OSBPL8: variants seen among roughly 807,000 people sequenced by gnomAD.
The protein encoded by OSBPL8 is oxysterol-binding protein-related protein 8.
In OSBPL8, 59 loss-of-function variants were observed where a neutral mutation model predicts 125.5. The observed-to-expected ratio is 0.47, with a 90% confidence interval of 0.38 to 0.58. OSBPL8 has a LOEUF of 0.58. Among genes scored for constraint, OSBPL8 ranks in the 20% least tolerant of loss-of-function variants. OSBPL8 has a pLI of 0.00. For missense variants in OSBPL8, 758 were observed against 1,047.8 expected, an observed-to-expected ratio of 0.72 and a Z score of 3.82; for synonymous variants, 330 against 338.9, an observed-to-expected ratio of 0.97 and a Z score of 0.29.
In OSBPL8 at chr12:76,355,912, T is replaced by C. The variant is rs1032020946; in HGVS notation, c.2647A>G (p.Ile883Val). The part of the protein sequence containing the change: ...IIFLLILLQV[I>V]INFMFK Reference sequence around the variant, plus strand: ...TTCTACTTGAACATGAAGTTTATTATGACTTGAAGCAAAATCAGGAGGAAA... The same window carrying C: ...TTCTACTTGAACATGAAGTTTATTACGACTTGAAGCAAAATCAGGAGGAAA... The change falls in exon 24 of 24, where the codon ATA becomes GTA. Residue 883 changes from isoleucine (I) to valine (V), a missense_variant. Ile to Val is a conservative substitution (Grantham distance 29, BLOSUM62 3). Transcript: ENST00000261183. 8.7e-6 allele frequency: 14 copies of C among 1,613,498 alleles called. No individual in the cohort carries two copies. Among genetic ancestry groups the C allele is most frequent in the Non-Finnish European group, 1.2e-5 (14 of 1,179,692 alleles).
intron 4 of OSBPL8, among the ~76,000 whole-genome samples, chr12:76,429,121 T>C (rs1370857776): frequency 6.6e-6 from 1 of 152,060 alleles, no homozygotes; most frequent in African/African-American, 2.4e-5. Flanking sequence ...TTATCAGCAT[T>C]AAATATGTCT....
chr12:76,377,315 G>C (rs764556560), intron 16 of OSBPL8, among the ~76,000 whole-genome samples: 2 of 152,068 alleles, frequency 1.3e-5, no homozygotes, highest in Non-Finnish European at 2.9e-5. Flanking sequence ...TGGGTCAAAT[G>C]GTATTTCTAG....
intron 10 of OSBPL8, among the ~76,000 whole-genome samples, chr12:76,391,017 CATCA>C (rs1953536337): frequency 1.3e-5 from 2 of 152,078 alleles, no homozygotes; most frequent in Admixed American, 1.3e-4. Context: ...GCATCACTTG[CATCA>C]ATCTCACTGT....
chr12:76,424,624 T>C (rs1869919605), intron 4 of OSBPL8, among the ~76,000 whole-genome samples: 1 of 152,200 alleles, frequency 6.6e-6, no homozygotes, highest in Admixed American at 6.5e-5. Context: ...TTATCTTTCC[T>C]AGAAATACTT....
intron 2 of OSBPL8, among the ~76,000 whole-genome samples, chr12:76,480,645 C>G (rs1475660917): frequency 6.6e-6 from 1 of 152,112 alleles, no homozygotes; most frequent in African/African-American, 2.4e-5. Context: ...ATAAGGAGAT[C>G]CCTGCAACTT....
At chr12:76,520,131 TG>T (rs1482428926) in intron 1 of OSBPL8, among the ~76,000 whole-genome samples, 2 of 152,218 alleles carry the variant, frequency 1.3e-5, no homozygotes, top group Non-Finnish European at 2.9e-5. Context: ...GTAACTTAAT[TG>T]TTTTGAAAAG....
intron 5 of OSBPL8, among the ~76,000 whole-genome samples, chr12:76,407,322 G>A (rs1954305747): frequency 6.6e-6 from 1 of 152,142 alleles, no homozygotes; most frequent in Non-Finnish European, 1.5e-5. Context: ...CGCAAACATG[G>A]CTCACTTTCA....
intron 2 of OSBPL8, among the ~76,000 whole-genome samples, chr12:76,467,451 A>C (rs1467642008): frequency 3.9e-5 from 6 of 152,202 alleles, no homozygotes; most frequent in Non-Finnish European, 8.8e-5. Flanking sequence ...TAGTTCTAAA[A>C]TTATGTTAAC....
intron 2 of OSBPL8, among the ~76,000 whole-genome samples, chr12:76,478,216 C>A: frequency 6.6e-6 from 1 of 151,944 alleles, no homozygotes; most frequent in Non-Finnish European, 1.5e-5. Flanking sequence ...AAAAAGAATT[C>A]ACAAACACAC....
rs755984638 is a variant in OSBPL8 at position 76,469,722 on chromosome 12, G to A, written c.43-9827C>T. ...TCCTTCTTACCCTGCTTTATTTTTC[G>A]TCACAGCAATCATCTCGTAACACAG... On this transcript the variant is annotated intron_variant, in intron 2 of 23. Transcript: ENST00000261183. Among the ~76,000 whole-genome samples, 13 of 151,588 alleles carry A rather than the reference G, an allele frequency of 8.6e-5. 1 individual carries two copies. Among genetic ancestry groups the A allele is most frequent in the Non-Finnish European group, 1.3e-4 (9 of 67,914 alleles).
chr12:76,453,894 G>C (rs2136762419), intron 3 of OSBPL8, among the ~76,000 whole-genome samples: 1 of 152,140 alleles, frequency 6.6e-6, no homozygotes, highest in Middle Eastern at 3.4e-3. Flanking sequence ...GCAAAGACTT[G>C]AACAGTGATT....
At chr12:76,525,962 G>C (rs145721055) in intron 1 of OSBPL8, among the ~76,000 whole-genome samples, 53 of 152,280 alleles carry the variant, frequency 3.5e-4, no homozygotes, top group African/African-American at 1.2e-3. Context: ...TACTACAAGG[G>C]AGCACAGGAG....
intron 5 of OSBPL8, among the ~76,000 whole-genome samples, chr12:76,408,015 T>C (rs1169895497): frequency 6.6e-6 from 1 of 151,712 alleles, no homozygotes; most frequent in African/African-American, 2.4e-5. Context: ...CAACAAAAAG[T>C]AGTTATTAAG....
chr12:76,482,460 A>C (rs1442233979), intron 2 of OSBPL8, among the ~76,000 whole-genome samples: 1 of 152,110 alleles, frequency 6.6e-6, no homozygotes, highest in East Asian at 1.9e-4. Context: ...CTAAAAATAC[A>C]AAATTAGCCG....
intron 4 of OSBPL8, among the ~76,000 whole-genome samples, chr12:76,424,204 T>G (rs1463681104): frequency 6.6e-6 from 1 of 152,170 alleles, no homozygotes. Flanking sequence ...TTTCGCCATG[T>G]TGGGCAGACT....
chr12:76,398,591 G>T (rs1390987333), intron 7 of OSBPL8, among the ~76,000 whole-genome samples: 1 of 151,976 alleles, frequency 6.6e-6, no homozygotes, highest in African/African-American at 2.4e-5. Context: ...TATTAAAATG[G>T]TGTCTATGCA....
At chr12:76,442,566 T>C (rs903454400) in intron 4 of OSBPL8, among the ~76,000 whole-genome samples, 4 of 151,936 alleles carry the variant, frequency 2.6e-5, no homozygotes, top group Non-Finnish European at 5.9e-5. Flanking sequence ...GAAAACAACC[T>C]CTGGCTACAA....
chr12:76,476,145 G>A lies in OSBPL8; in HGVS notation c.42+11365C>T, dbSNP rs187496921. The stretch of plus-strand genomic sequence containing the variant: ...TGGAAGCTATGATTTTAATAAAAAA[G>A]ATTCTCTACCCTAAGACATGTATTC... On this transcript the variant is annotated intron_variant, in intron 2 of 23. Coordinates refer to ENST00000261183, the MANE Select transcript of OSBPL8 (RefSeq NM_020841.5). Among the ~76,000 whole-genome samples the A allele has an allele frequency of 5.7e-4, 87 of 152,270 alleles. 2 individuals carry two copies. The highest frequency in any genetic ancestry group is 2.1e-3 in the African/African-American group (86 of 41,564).
intron 6 of OSBPL8, 111 bp from the exon 7 acceptor site, chr12:76,400,085 G>C: frequency 1.4e-6 from 1 of 737,548 alleles, no homozygotes; most frequent in Non-Finnish European, 2.1e-6. Flanking sequence ...TGTGTCATGG[G>C]GTTTTGTTGT....
Sources: allele counts gnomAD v4.1 joint callset (sites outside exome capture counted in the v4.1 genomes callset), GRCh38; gene constraint gnomAD v4.1.1; transcripts MANE v1.5; gene names NCBI Gene and HGNC (gene_info 2026-07-23, HGNC 2026-07-21).